The following GALNTL6 variants were observed in gnomAD, a reference collection of about 807,000 sequenced individuals.
The protein encoded by GALNTL6 is polypeptide N-acetylgalactosaminyltransferase like 6, also known as polypeptide N-acetylgalactosaminyltransferase-like 6.
A neutral mutation model predicts 73.7 loss-of-function variants in GALNTL6; 46 were observed. That is an observed-to-expected ratio of 0.62 (90% CI 0.49 to 0.80). The LOEUF (loss-of-function observed/expected upper bound fraction) is 0.80. Ranked by LOEUF, GALNTL6 falls within the 30% of genes least tolerant of loss-of-function variation. The probability of loss-of-function intolerance (pLI) is 0.00; values close to 1 mark genes in which losing one functional copy is unlikely to be tolerated. For synonymous variants in GALNTL6, 259 were observed against 263.7 expected (o/e 0.98, Z 0.17); for missense variants, 604 against 755.0 (o/e 0.80, Z 2.34).
chr4:172,924,610 G>A (rs1747955816), intron 8 of GALNTL6, among the ~76,000 whole-genome samples: 1 of 152,186 alleles, frequency 6.6e-6, no homozygotes, highest in Non-Finnish European at 1.5e-5. Flanking sequence ...GGGAAGAGGA[G>A]AAGGTGGGAG....
chr4:172,770,539 G>A (rs934094948), intron 5 of GALNTL6, among the ~76,000 whole-genome samples: 8 of 151,700 alleles, frequency 5.3e-5, no homozygotes, highest in African/African-American at 1.9e-4. Context: ...AAAAGTTAAG[G>A]GTACACAAAC....
At position 171,834,236 on chromosome 4, in the gene GALNTL6, C is replaced by G. The variant is rs531321250; in HGVS notation, c.138+19518C>G. 2.6e-5 allele frequency among the ~76,000 whole-genome samples: 4 copies of G among 151,946 alleles called. No individual in the cohort carries two copies. In the South Asian group the frequency reaches 8.3e-4, roughly 32 times the overall value. On this transcript the variant is annotated intron_variant, in intron 2 of 12. Transcript: ENST00000506823. ...CATTTGCTCTCACGGAATTGATTGCCACTTCAAAATGGATAAAATAATCTT... is the reference window on the plus strand; with the variant it reads ...CATTTGCTCTCACGGAATTGATTGCGACTTCAAAATGGATAAAATAATCTT...
At chr4:172,018,698 T>C (rs1249513367) in intron 2 of GALNTL6, among the ~76,000 whole-genome samples, 2 of 152,104 alleles carry the variant, frequency 1.3e-5, no homozygotes, top group African/African-American at 4.8e-5. Flanking sequence ...CAATACCAAC[T>C]TCTGCACTCA....
intron 2 of GALNTL6, among the ~76,000 whole-genome samples, chr4:171,834,184 T>C (rs989107900): frequency 2.0e-5 from 3 of 151,924 alleles, no homozygotes; most frequent in African/African-American, 7.2e-5. Flanking sequence ...TGATTCTAAG[T>C]ATAAGTATTT....
chr4:172,256,451 A>C (rs1220062749), intron 3 of GALNTL6, among the ~76,000 whole-genome samples: 1 of 151,518 alleles, frequency 6.6e-6, no homozygotes, highest in Non-Finnish European at 1.5e-5. Context: ...AATCATTTCA[A>C]CTGAACATGT....
At chr4:172,606,689 ATATATATATAGTGTGTATATATATAG>A (rs1347679953) in intron 5 of GALNTL6, among the ~76,000 whole-genome samples, 3 of 106,320 alleles carry the variant, frequency 2.8e-5, no homozygotes, top group Admixed American at 1.1e-4. Flanking sequence ...TATATATAGT[ATATATATATAGTGTGTATATATATAG>A]TATATATATA....
At chr4:171,890,482 C>A (rs564276529) in intron 2 of GALNTL6, among the ~76,000 whole-genome samples, 5 of 151,996 alleles carry the variant, frequency 3.3e-5, no homozygotes, top group Non-Finnish European at 7.4e-5. Context: ...ATTTCCCTAT[C>A]TGTTTATAGA....
chr4:172,528,989 G>T (rs368637706), intron 5 of GALNTL6, among the ~76,000 whole-genome samples: 12 of 51,764 alleles, frequency 2.3e-4, no homozygotes, highest in Non-Finnish European at 3.2e-4. Context: ...ATACATATGT[G>T]TGTATATATA....
intron 10 of GALNTL6, among the ~76,000 whole-genome samples, chr4:172,958,901 G>A (rs1749896241): frequency 6.6e-6 from 1 of 152,100 alleles, no homozygotes; most frequent in Non-Finnish European, 1.5e-5. Context: ...TTTAGGATAG[G>A]AGAGCATATG....
At chr4:172,243,731 C>T (rs764689717) in intron 3 of GALNTL6, among the ~76,000 whole-genome samples, 5 of 152,130 alleles carry the variant, frequency 3.3e-5, no homozygotes, top group South Asian at 2.1e-4. Context: ...AAATGATTAA[C>T]GGTAGGCTTT....
intron 3 of GALNTL6, among the ~76,000 whole-genome samples, chr4:172,262,676 T>A (rs1013588615): frequency 2.6e-5 from 4 of 151,440 alleles, no homozygotes; most frequent in Non-Finnish European, 5.9e-5. Context: ...AAATGCTGCC[T>A]AAATATCTTG....
chr4:172,524,952 G>A (rs1419981075), intron 5 of GALNTL6, among the ~76,000 whole-genome samples: 1 of 152,056 alleles, frequency 6.6e-6, no homozygotes, highest in Non-Finnish European at 1.5e-5. Flanking sequence ...AGCTGTCATT[G>A]ACTTTCAAGT....
chr4:172,371,177 C>T (rs1209688085), intron 5 of GALNTL6, among the ~76,000 whole-genome samples: 1 of 152,214 alleles, frequency 6.6e-6, no homozygotes, highest in Non-Finnish European at 1.5e-5. Flanking sequence ...TTCCTTATCA[C>T]TTACTGAATA....
At chr4:172,390,727 A>G (rs543473978) in intron 5 of GALNTL6, among the ~76,000 whole-genome samples, 1 of 152,358 alleles carries the variant, frequency 6.6e-6, no homozygotes, top group South Asian at 2.1e-4. Context: ...TAATAAATAT[A>G]ACTAAGTATG....
At chr4:172,547,686 T>C (rs116055859) in intron 5 of GALNTL6, among the ~76,000 whole-genome samples, 3,156 of 152,306 alleles carry the variant, frequency 0.021, 40 homozygotes, top group Middle Eastern at 0.048. Context: ...CTTTATGACA[T>C]TTTTTATTAA....
intron 2 of GALNTL6, among the ~76,000 whole-genome samples, chr4:172,144,560 T>C (rs1265687572): frequency 6.6e-6 from 1 of 152,194 alleles, no homozygotes; most frequent in African/African-American, 2.4e-5. Context: ...CTAGAAGTCA[T>C]CTTATGATAG....
chr4:172,900,807 A>C (rs953395160), intron 8 of GALNTL6, among the ~76,000 whole-genome samples: 4 of 152,198 alleles, frequency 2.6e-5, no homozygotes, highest in African/African-American at 9.6e-5. Flanking sequence ...AGCAAGAGAT[A>C]CCTGGCTTTG....
intron 2 of GALNTL6, among the ~76,000 whole-genome samples, chr4:172,229,392 G>A (rs1188147734): frequency 1.3e-5 from 2 of 152,078 alleles, no homozygotes; most frequent in East Asian, 3.9e-4. Context: ...CAGGTGACAC[G>A]CTAAATATTA....
At chr4:172,613,551 A>G (rs1271460784) in intron 5 of GALNTL6, among the ~76,000 whole-genome samples, 1 of 152,118 alleles carries the variant, frequency 6.6e-6, no homozygotes. Context: ...GAAGCATAAG[A>G]CATGATCTAA....
Sources: allele counts gnomAD v4.1 joint callset (sites outside exome capture counted in the v4.1 genomes callset), GRCh38; gene constraint gnomAD v4.1.1; transcripts MANE v1.5; gene names NCBI Gene and HGNC (gene_info 2026-07-23, HGNC 2026-07-21).